The following WDR83 variants were observed in gnomAD, a reference collection of about 807,000 sequenced individuals.
The protein encoded by WDR83 is WD repeat domain-containing protein 83.
Under a neutral mutation model 37.7 loss-of-function variants are expected in WDR83, and 37 were observed. That is an observed-to-expected ratio of 0.98 (90% CI 0.76 to 1.29). The LOEUF (loss-of-function observed/expected upper bound fraction) is 1.29, where lower values mean the gene tolerates loss of function less well. Among genes scored for constraint, WDR83 ranks in the 50% most tolerant of loss-of-function variants. The probability of loss-of-function intolerance (pLI) is 0.00; values close to 1 mark genes in which losing one functional copy is unlikely to be tolerated. For missense variants in WDR83, 445 were observed against 414.4 expected, an observed-to-expected ratio of 1.07 and a Z score of -0.64; for synonymous variants, 174 against 181.1, an observed-to-expected ratio of 0.96 and a Z score of 0.31.
chr19:12,675,824 G>A lies in WDR83; in HGVS notation c.*152G>A, dbSNP rs774049303. The A allele has an allele frequency of 5.1e-6, 8 of 1,579,460 alleles. No individual in the cohort carries two copies. The South Asian group carries it at 9.2e-5, about 18-fold the overall frequency. The stretch of plus-strand genomic sequence containing the variant: ...ATAGAAGAGGGGGTAAGACCTTCCT[G>A]GGACCGCAGCCGCTCAGTCCTCGTT... On this transcript the variant is annotated 3_prime_UTR_variant, in exon 11 of 11. Coordinates refer to ENST00000418543, the MANE Select transcript of WDR83 (RefSeq NM_001099737.3).
chr19:12,674,022 A>C, intron 10 of WDR83, among the ~76,000 whole-genome samples: 1 of 152,198 alleles, frequency 6.6e-6, no homozygotes, highest in East Asian at 1.9e-4. Context: ...AAGATGAGGC[A>C]GGAAGGGCAT....
Position 12,675,409 on chromosome 19 carries a change from G to A in WDR83, c.799-114G>A, listed in dbSNP as rs187426248. ...AATTAGAGGCAGGTGGCTGAAGGTC[G>A]GGGAGAGGTGACTGAGGGCTTCAGG... is the stretch of plus-strand genomic sequence containing the variant. On this transcript the variant is annotated intron_variant, in intron 10 of 10. Coordinates refer to ENST00000418543, the MANE Select transcript of WDR83 (RefSeq NM_001099737.3). 985 of 1,442,772 alleles carry A rather than the reference G, an allele frequency of 6.8e-4. 5 individuals are homozygous for A. In the African/African-American group the frequency reaches 0.012, roughly 17 times the overall value. The allele number at this position is 1,442,772 out of a possible 1,614,324, so 89.4% of individuals were successfully genotyped here.
chr19:12,668,102 T>G (rs2024305708), intron 1 of WDR83: 1 of 441,630 alleles, frequency 2.3e-6, no homozygotes, highest in South Asian at 2.6e-5. Flanking sequence ...AACAACAGGT[T>G]TCAACGAGAA....
intron 1 of WDR83, 59 bp from the exon 2 acceptor site, chr19:12,668,449 T>G: frequency 6.2e-7 from 1 of 1,613,128 alleles, no homozygotes; most frequent in East Asian, 2.2e-5. Flanking sequence ...GAGGTGTCAG[T>G]CTAGGATGGC....
intron 1 of WDR83, among the ~76,000 whole-genome samples, chr19:12,667,794 C>A (rs2024295063): frequency 6.6e-6 from 1 of 151,952 alleles, no homozygotes; most frequent in African/African-American, 2.4e-5. Flanking sequence ...CTGCACTCAG[C>A]CTGCATGACA....
chr19:12,668,020 G>T (rs78999235), intron 1 of WDR83: 3,693 of 280,238 alleles, frequency 0.013, 145 homozygotes, highest in African/African-American at 0.076. Flanking sequence ...TGGGGCTAGA[G>T]CCCTTCCCGC....
At chr19:12,669,152 G>T (rs1451283557) in intron 2 of WDR83, 2 of 1,614,024 alleles carry the variant, frequency 1.2e-6, no homozygotes, top group Non-Finnish European at 1.7e-6. Flanking sequence ...CGCACATGCT[G>T]AAGATCATGC....
In WDR83 at chr19:12,669,649, G is replaced by T; in HGVS notation, c.-36-106G>T. 3 of 1,021,722 alleles carry T rather than the reference G, an allele frequency of 2.9e-6. No homozygotes were observed. The East Asian group carries it at 7.8e-5, about 26-fold the overall frequency. The allele number at this position is 1,021,722 out of a possible 1,614,324, so 63.3% of individuals were successfully genotyped here. A position where few individuals can be genotyped will look rare whatever the true frequency, so the allele number is the denominator to read the frequency against. ...ATAGTTCCAACCCGATCACCGAAAT[G>T]CCAAAATGATGAACCCGGAAGTGAT... On this transcript the variant is annotated intron_variant, in intron 2 of 10. Transcript: ENST00000418543.
intron 10 of WDR83, among the ~76,000 whole-genome samples, chr19:12,673,696 G>A (rs897921583): frequency 1.9e-4 from 29 of 151,752 alleles, no homozygotes; most frequent in African/African-American, 5.8e-4. Context: ...GATTACAGGC[G>A]TAAGCCACCA....
Position 12,675,596 on chromosome 19 carries a change from G to A in WDR83, c.872G>A (p.Cys291Tyr). Residue 291 changes from cysteine to tyrosine, a missense_variant, in exon 11 of 11, where the codon TGC becomes TAC. Cys to Tyr is a radical substitution (Grantham distance 194, BLOSUM62 -2). Transcript: ENST00000418543. ...QSLAYHPTEP[C>Y]LLTAMGGSVQ... is the part of the protein sequence containing the mutation. ...CTGGCCTACCACCCAACAGAGCCCTGCCTGCTGACCGCCATGGGAGGCAGC... is the reference window on the plus strand; with the variant it reads ...CTGGCCTACCACCCAACAGAGCCCTACCTGCTGACCGCCATGGGAGGCAGC... 4 of 1,605,272 alleles carry A rather than the reference G, an allele frequency of 2.5e-6. No individual in the cohort carries two copies. Among genetic ancestry groups the A allele is most frequent in the Non-Finnish European group, 1.7e-6 (2 of 1,179,954 alleles).
intron 1 of WDR83, among the ~76,000 whole-genome samples, chr19:12,667,734 G>A (rs2024293115): frequency 6.6e-6 from 1 of 152,120 alleles, no homozygotes; most frequent in Non-Finnish European, 1.5e-5. Context: ...GAGGTGGGAG[G>A]ATTGCTTGAG....
At chr19:12,675,162 C>T (rs941482979) in intron 10 of WDR83, among the ~76,000 whole-genome samples, 1 of 152,096 alleles carries the variant, frequency 6.6e-6, no homozygotes, top group Non-Finnish European at 1.5e-5. Context: ...CATGGTGGCT[C>T]ACACCTGTAG....
intron 2 of WDR83, chr19:12,669,251 G>A (rs2024338864): frequency 6.2e-7 from 1 of 1,613,254 alleles, no homozygotes; most frequent in Admixed American, 1.7e-5. Context: ...AGGCTCGAGG[G>A]TCAGGGGCGC....
intron 10 of WDR83, among the ~76,000 whole-genome samples, chr19:12,675,250 G>A (rs1046875675): frequency 1.3e-5 from 2 of 152,198 alleles, no homozygotes; most frequent in African/African-American, 2.4e-5. Flanking sequence ...AACATGGTAA[G>A]ACCCCATCTC....
chr19:12,667,786 G>A (rs1027803111), intron 1 of WDR83, among the ~76,000 whole-genome samples: 47 of 152,080 alleles, frequency 3.1e-4, no homozygotes, highest in Admixed American at 2.8e-3. Flanking sequence ...TTGTGCCACT[G>A]CACTCAGCCT....
chr19:12,670,345 G>A (rs1375535650), intron 5 of WDR83, 60 bp downstream of exon 5: 6 of 1,572,308 alleles, frequency 3.8e-6, no homozygotes, highest in Non-Finnish European at 5.2e-6. Context: ...GCGCATAGGT[G>A]GTGACACGGC....
intron 10 of WDR83, among the ~76,000 whole-genome samples, chr19:12,675,168 T>A (rs1438186297): frequency 6.6e-6 from 1 of 151,964 alleles, no homozygotes; most frequent in East Asian, 1.9e-4. Flanking sequence ...GGCTCACACC[T>A]GTAGTCCTAG....
intron 7 of WDR83, among the ~76,000 whole-genome samples, chr19:12,671,897 C>G (rs2024431839): frequency 6.6e-6 from 1 of 152,258 alleles, no homozygotes; most frequent in South Asian, 2.1e-4. Context: ...GGGGTTTCGC[C>G]ATGTTGGCCA....
Position 12,669,806 on chromosome 19 carries a change from C to CTTT in WDR83, c.16_17insTTT (p.Pro6delinsLeuSer), listed in dbSNP as rs764454281. The CTTT allele has an allele frequency of 6.8e-6, 11 of 1,608,976 alleles. No homozygotes were observed. In the Admixed American group the frequency reaches 8.4e-5, roughly 12 times the overall value. On this transcript the variant is annotated protein_altering_variant, in exon 3 of 11. Transcript: ENST00000418543. The stretch of plus-strand genomic sequence containing the variant: ...TCCTGGGAGCATGGCTTTCCCTGAG[C>CTTT]CAAAGCCGCGGCCTCCAGAGCTGCC...
Sources: gnomAD v4.1 joint callset for allele counts (sites outside exome capture counted in the v4.1 genomes callset) on GRCh38, gnomAD v4.1.1 for gene constraint, MANE v1.5 for transcripts, NCBI Gene and HGNC (gene_info 2026-07-23, HGNC 2026-07-21) for gene names.